RNF182: variants seen among roughly 807,000 people sequenced by gnomAD.
RNF182 encodes ring finger protein 182, also known as E3 ubiquitin-protein ligase RNF182.
Under a neutral mutation model 14.4 loss-of-function variants are expected in RNF182, and 15 were observed. The ratio of observed to expected loss-of-function variants is 1.04; its 90% CI spans 0.70 to 1.60. RNF182 has a LOEUF of 1.60. Ranked by LOEUF, RNF182 falls within the 40% of genes most tolerant of loss-of-function variation. RNF182 has a pLI of 0.00. For missense variants in RNF182, 268 were observed against 294.8 expected (o/e 0.91, Z 0.67); for synonymous variants, 128 against 122.9 (o/e 1.04, Z -0.27).
intron 1 of RNF182, among the ~76,000 whole-genome samples, chr6:13,929,909 G>A (rs1758923012): frequency 6.6e-6 from 1 of 152,098 alleles, no homozygotes; most frequent in Admixed American, 6.5e-5. Flanking sequence ...AAAACAAGAA[G>A]CATTTCTTCA....
chr6:13,948,305 G>A (rs920460821), intron 1 of RNF182, among the ~76,000 whole-genome samples: 1 of 152,084 alleles, frequency 6.6e-6, no homozygotes, highest in Admixed American at 6.6e-5. Context: ...CAAGACAATT[G>A]CTTGTAGATG....
intron 1 of RNF182, among the ~76,000 whole-genome samples, chr6:13,969,272 C>T (rs954419036): frequency 6.6e-5 from 10 of 152,136 alleles, no homozygotes; most frequent in South Asian, 2.1e-4. Flanking sequence ...CCTGTCCTGT[C>T]CTGTCTTGTC....
intron 1 of RNF182, among the ~76,000 whole-genome samples, chr6:13,942,383 C>G (rs988869233): frequency 1.3e-5 from 2 of 152,064 alleles, no homozygotes; most frequent in Non-Finnish European, 1.5e-5. Flanking sequence ...GCTCTGTGGC[C>G]CAGGCTGGAG....
At chr6:13,925,054 G>A (rs1253635371) in intron 1 of RNF182, 31 bp downstream of exon 1, 1 of 464 alleles carries the variant, frequency 2.2e-3, no homozygotes, top group African/African-American at 0.011. Flanking sequence ...GCCGGGGAGG[G>A]GTCGGCGGGA....
chr6:13,977,300 G>A lies in RNF182; in HGVS notation c.181G>A (p.Val61Ile), dbSNP rs1184378507. 3.1e-6 allele frequency: 5 copies of A among 1,614,100 alleles called. No individual in the cohort carries two copies. Among genetic ancestry groups the A allele is most frequent in the Non-Finnish European group, 4.2e-6 (5 of 1,180,048 alleles). The change falls in exon 3 of 3, where the codon GTC becomes ATC. Residue 61 changes from valine (V) to isoleucine (I), a missense_variant. Coordinates refer to ENST00000488300, the MANE Select transcript of RNF182 (RefSeq NM_152737.4). ...IIDFGDSPQGVIVCPFCRFET... is the reference protein window; with the variant it reads ...IIDFGDSPQGIIVCPFCRFET... The stretch of plus-strand genomic sequence containing the variant: ...AGACTTTGGGGACTCCCCACAAGGT[G>A]TCATTGTCTGTCCTTTCTGCAGGTT...
chr6:13,961,242 C>T (rs1759876068), intron 1 of RNF182, among the ~76,000 whole-genome samples: 2 of 152,202 alleles, frequency 1.3e-5, no homozygotes, highest in Admixed American at 1.3e-4. Flanking sequence ...AATGCATATT[C>T]TGTCTACTAC....
intron 1 of RNF182, among the ~76,000 whole-genome samples, chr6:13,967,249 A>G (rs773087040): frequency 2.6e-5 from 4 of 152,236 alleles, no homozygotes; most frequent in Non-Finnish European, 2.9e-5. Flanking sequence ...AGCTTTAGAT[A>G]AGGTATAAAG....
intron 1 of RNF182, among the ~76,000 whole-genome samples, chr6:13,945,069 C>A (rs907437324): frequency 6.6e-6 from 1 of 152,142 alleles, no homozygotes; most frequent in African/African-American, 2.4e-5. Context: ...TCAGTTGTCA[C>A]TTGAATTCCT....
At chr6:13,967,402 G>A (rs1416302589) in intron 1 of RNF182, among the ~76,000 whole-genome samples, 2 of 152,142 alleles carry the variant, frequency 1.3e-5, no homozygotes, top group Admixed American at 1.3e-4. Flanking sequence ...TGTTAGAAAT[G>A]CAAATATAGT....
At chr6:13,938,946 G>C (rs1161277619) in intron 1 of RNF182, among the ~76,000 whole-genome samples, 2 of 152,120 alleles carry the variant, frequency 1.3e-5, no homozygotes. Flanking sequence ...AGCCAGGTGT[G>C]GTGGTTCACG....
chr6:13,949,314 C>T (rs139835889), intron 1 of RNF182: 34 of 775,060 alleles, frequency 4.4e-5, no homozygotes, highest in South Asian at 5.4e-5. Flanking sequence ...GGGCATCCTG[C>T]GGTAATCTTT....
intron 1 of RNF182, among the ~76,000 whole-genome samples, chr6:13,943,285 T>TC (rs1759345192): frequency 6.6e-6 from 1 of 151,856 alleles, no homozygotes; most frequent in African/African-American, 2.4e-5. Flanking sequence ...GTTCCTGCTT[T>TC]TTTTTTTTTT....
chr6:13,952,388 A>G (rs1759617055), intron 1 of RNF182, among the ~76,000 whole-genome samples: 1 of 152,116 alleles, frequency 6.6e-6, no homozygotes, highest in African/African-American at 2.4e-5. Flanking sequence ...AGATTAATCC[A>G]CAGAGAAAAG....
chr6:13,950,897 AGTG>A (rs1759574193), intron 1 of RNF182, among the ~76,000 whole-genome samples: 1 of 151,922 alleles, frequency 6.6e-6, no homozygotes, highest in Non-Finnish European at 1.5e-5. Flanking sequence ...CTTGGGTTCA[AGTG>A]ATTCTCCTGC....
intron 1 of RNF182, among the ~76,000 whole-genome samples, chr6:13,926,483 G>C (rs185641244): frequency 3.5e-4 from 53 of 152,302 alleles, no homozygotes; most frequent in Non-Finnish European, 4.6e-4. Context: ...GGAAACTAAA[G>C]GATTGAAGTT....
intron 1 of RNF182, chr6:13,949,327 T>C: frequency 1.3e-6 from 1 of 773,102 alleles, no homozygotes. Context: ...TAATCTTTAA[T>C]AGAGTGGCCC....
Position 13,978,007 on chromosome 6 carries a change from G to A in RNF182, c.*144G>A. 1.1e-6 allele frequency: 1 copy of A among 943,074 alleles called. No individual in the cohort carries two copies. Among genetic ancestry groups the A allele is most frequent in the Non-Finnish European group, 1.6e-6 (1 of 640,464 alleles). 58.4% of individuals were successfully genotyped at this position (943,074 alleles called of 1,614,324 possible). A position where few individuals can be genotyped will look rare whatever the true frequency, so the allele number is the denominator to read the frequency against. ...CCTTGGCCACATGTTGACTTGATTG[G>A]TTTTCCTGTAGGCTGGAAGTAAAAA... On this transcript the variant is annotated 3_prime_UTR_variant, in exon 3 of 3. Coordinates refer to ENST00000488300, the MANE Select transcript of RNF182 (RefSeq NM_152737.4).
intron 1 of RNF182, chr6:13,925,257 G>GGCGGCTGCGGAGC (rs1758794704): frequency 6.6e-6 from 1 of 151,938 alleles, no homozygotes; most frequent in Non-Finnish European, 1.5e-5. Flanking sequence ...TGCGGCGGAG[G>GGCGGCTGCGGAGC]GCGGCTGCGG....
chr6:13,976,862 T>C, intron 2 of RNF182, 47 bp from the exon 3 acceptor site: 1 of 411,002 alleles, frequency 2.4e-6, no homozygotes, highest in Non-Finnish European at 4.3e-6. Flanking sequence ...AGAAACACCG[T>C]TTCAGTGAAC....
Sources: gnomAD v4.1 joint callset for allele counts (sites outside exome capture counted in the v4.1 genomes callset) on GRCh38, gnomAD v4.1.1 for gene constraint, MANE v1.5 for transcripts, NCBI Gene and HGNC (gene_info 2026-07-23, HGNC 2026-07-21) for gene names.